Variants in TLN2 observed in about 807,000 individuals in gnomAD.
TLN2 encodes the protein talin-2.
TLN2 carries 118 observed loss-of-function variants against 294.7 expected under a neutral mutation model. That is an observed-to-expected ratio of 0.40 (90% CI 0.34 to 0.47). The LOEUF is 0.47. Ranked by LOEUF, TLN2 falls within the 20% of genes least tolerant of loss-of-function variation. The probability of loss-of-function intolerance (pLI) is 0.84; values close to 1 mark genes in which losing one functional copy is unlikely to be tolerated. For synonymous variants in TLN2, 1,431 were observed against 1,304.5 expected (o/e 1.10, Z -2.09); for missense variants, 3,083 against 3,282.2 (o/e 0.94, Z 1.48).
chr15:62,748,376 C>G lies in TLN2; in HGVS notation c.4051C>G (p.Leu1351Val). 6 of 1,612,658 alleles carry G rather than the reference C, an allele frequency of 3.7e-6. No homozygotes were observed. Among genetic ancestry groups the G allele is most frequent in the Non-Finnish European group, 5.1e-6 (6 of 1,179,616 alleles). Residue 1351 changes from leucine (L) to valine (V), a missense_variant, in exon 33 of 59, where the codon CTC becomes GTC. Transcript: ENST00000636159. The stretch of plus-strand genomic sequence containing the variant: ...AGCTGTGACAGAGAGCATCAATCAA[C>G]TCATCACTCTGTGTACCCAACAAGC... ...ARAVTESINQ[L>V]ITLCTQQAPG...
chr15:62,457,843 T>A (rs1200622200), intron 1 of TLN2, among the ~76,000 whole-genome samples: 1 of 152,212 alleles, frequency 6.6e-6, no homozygotes, highest in African/African-American at 2.4e-5. Flanking sequence ...TCAGGTCCCC[T>A]CTGCTGTGTC....
chr15:62,825,857 T>TA (rs1375916107), intron 54 of TLN2, among the ~76,000 whole-genome samples: 4 of 97,794 alleles, frequency 4.1e-5, no homozygotes, highest in African/African-American at 4.9e-5. Flanking sequence ...ATATATTATA[T>TA]ATATATATAT....
chr15:62,605,641 C>T (rs1307848887), intron 2 of TLN2, among the ~76,000 whole-genome samples: 2 of 152,180 alleles, frequency 1.3e-5, no homozygotes, highest in Non-Finnish European at 2.9e-5. Context: ...TCAGAACACA[C>T]GCCTCCTCCA....
chr15:62,594,628 A>G (rs1567161712), intron 2 of TLN2, among the ~76,000 whole-genome samples: 2 of 152,244 alleles, frequency 1.3e-5, no homozygotes, highest in South Asian at 2.1e-4. Context: ...AAATTAGACC[A>G]TATCTCACAT....
intron 1 of TLN2, among the ~76,000 whole-genome samples, chr15:62,492,311 C>T (rs1316135897): frequency 1.3e-5 from 2 of 151,852 alleles, no homozygotes; most frequent in East Asian, 3.9e-4. Context: ...ATAATCCCAG[C>T]ACTTTGGGAC....
intron 3 of TLN2, among the ~76,000 whole-genome samples, chr15:62,633,071 A>G (rs1192290597): frequency 6.6e-6 from 1 of 152,252 alleles, no homozygotes; most frequent in African/African-American, 2.4e-5. Flanking sequence ...TCTATGTAGC[A>G]TCAATCATAT....
At chr15:62,644,409 C>T in intron 3 of TLN2, 1 of 439,988 alleles carries the variant, frequency 2.3e-6, no homozygotes, top group Non-Finnish European at 4.6e-6. Flanking sequence ...ACTGCTCTCC[C>T]TCACTCCCTA....
chr15:62,559,358 G>T (rs974942838), intron 1 of TLN2, among the ~76,000 whole-genome samples: 1 of 152,204 alleles, frequency 6.6e-6, no homozygotes, highest in Non-Finnish European at 1.5e-5. Context: ...AGGAATTGTG[G>T]TAAGGAAGCC....
chr15:62,781,272 G>A (rs368873112), intron 44 of TLN2, 31 bp downstream of exon 44: 3 of 1,571,882 alleles, frequency 1.9e-6, no homozygotes, highest in African/African-American at 2.7e-5. Context: ...CCTCCCCACT[G>A]TTGTTTGCCT....
At position 62,502,113 on chromosome 15, in the gene TLN2, G is replaced by T. The variant is rs117466811; in HGVS notation, c.-237-87574G>T. On this transcript the variant is annotated intron_variant, in intron 1 of 58. Coordinates refer to ENST00000636159, the MANE Select transcript of TLN2 (RefSeq NM_015059.3). ...GAATATGCCTGTGTAATGCATGGATGATTGGAAGGCATTGCCACAAGTTTC... is the reference window on the plus strand; with the variant it reads ...GAATATGCCTGTGTAATGCATGGATTATTGGAAGGCATTGCCACAAGTTTC... Among the ~76,000 whole-genome samples, 396 of 152,312 alleles carry T rather than the reference G, an allele frequency of 2.6e-3. 1 individual carries two copies. Among genetic ancestry groups the T allele is most frequent in the Non-Finnish European group, 4.3e-3 (295 of 68,016 alleles).
chr15:62,600,347 C>T (rs533010053), intron 2 of TLN2, among the ~76,000 whole-genome samples: 1 of 152,142 alleles, frequency 6.6e-6, no homozygotes. Flanking sequence ...TCCTTATAGA[C>T]AAAATTGTTC....
At chr15:62,674,511 A>ATTT (rs11394714) in intron 10 of TLN2, among the ~76,000 whole-genome samples, 1 of 143,444 alleles carries the variant, frequency 7.0e-6, no homozygotes, top group Non-Finnish European at 1.5e-5. Flanking sequence ...GGAAAACGAT[A>ATTT]TTTTTTTTTT....
intron 24 of TLN2, 146 bp from the exon 25 acceptor site, chr15:62,719,621 A>C: frequency 1.9e-6 from 1 of 536,618 alleles, no homozygotes; most frequent in Non-Finnish European, 3.2e-6. Context: ...CAGCTGGCTT[A>C]ATGTGCAGTG....
intron 1 of TLN2, among the ~76,000 whole-genome samples, chr15:62,578,909 G>A (rs2044674651): frequency 6.6e-6 from 1 of 152,144 alleles, no homozygotes; most frequent in Non-Finnish European, 1.5e-5. Flanking sequence ...CCTTCTCTGT[G>A]TAGTCTTAGC....
intron 11 of TLN2, among the ~76,000 whole-genome samples, chr15:62,682,126 T>C (rs1455156375): frequency 6.6e-6 from 1 of 152,226 alleles, no homozygotes; most frequent in Non-Finnish European, 1.5e-5. Context: ...TAGGGGCAGA[T>C]AGTAAACATT....
At chr15:62,764,218 T>A (rs1279554484) in intron 40 of TLN2, among the ~76,000 whole-genome samples, 2 of 152,206 alleles carry the variant, frequency 1.3e-5, no homozygotes, top group Admixed American at 1.3e-4. Context: ...CACTTTGCCC[T>A]TTCTTGCTTG....
chr15:62,412,206 T>C (rs1395587438), intron 1 of TLN2, among the ~76,000 whole-genome samples: 1 of 152,158 alleles, frequency 6.6e-6, no homozygotes, highest in Admixed American at 6.5e-5. Context: ...GTTAATCAGA[T>C]CCCGAGGTGA....
chr15:62,478,648 G>T (rs2037918641), intron 1 of TLN2, among the ~76,000 whole-genome samples: 1 of 152,168 alleles, frequency 6.6e-6, no homozygotes, highest in Admixed American at 6.5e-5. Flanking sequence ...CGAGGGCTCA[G>T]GCTGGGAGGT....
At chr15:62,822,027 C>T (rs1395916430) in intron 54 of TLN2, among the ~76,000 whole-genome samples, 4 of 152,160 alleles carry the variant, frequency 2.6e-5, no homozygotes, top group African/African-American at 9.7e-5. Flanking sequence ...CATTCGTTCT[C>T]CTGGAGAATT....
Sources: allele counts gnomAD v4.1 joint callset (sites outside exome capture counted in the v4.1 genomes callset), GRCh38; gene constraint gnomAD v4.1.1; transcripts MANE v1.5; gene names NCBI Gene and HGNC (gene_info 2026-07-23, HGNC 2026-07-21).